EPB41L5: variants seen among roughly 807,000 people sequenced by gnomAD.
EPB41L5 encodes the protein erythrocyte membrane protein band 4.1 like 5.
A neutral mutation model predicts 106.6 loss-of-function variants in EPB41L5; 55 were observed. The ratio of observed to expected loss-of-function variants is 0.52; its 90% CI spans 0.42 to 0.65. The LOEUF is 0.65. Among genes scored for constraint, EPB41L5 ranks in the 30% least tolerant of loss-of-function variants. The pLI is 0.00. For missense variants in EPB41L5, 871 were observed against 882.1 expected (o/e 0.99, Z 0.16); for synonymous variants, 297 against 306.7 (o/e 0.97, Z 0.33).
chr2:120,146,173 A>G, intron 19 of EPB41L5, 52 bp from the exon 20 acceptor site: 1 of 1,096,198 alleles, frequency 9.1e-7, no homozygotes, highest in Non-Finnish European at 1.4e-6. Flanking sequence ...ATTTCTTGTT[A>G]CTTTAGTATC....
rs144645549 is a variant in EPB41L5 at position 120,086,084 on chromosome 2, C to T, written c.804-1087C>T. Among the ~76,000 whole-genome samples, 84 of 152,222 alleles carry T rather than the reference C, an allele frequency of 5.5e-4. No homozygotes were observed. The East Asian group carries it at 0.014, about 26-fold the overall frequency. ...AGCATGGTGGCACGCACCTGTAATCCCAGCTACTCTGGAGGCTGAGGCAGG... is the reference window on the plus strand; with the variant it reads ...AGCATGGTGGCACGCACCTGTAATCTCAGCTACTCTGGAGGCTGAGGCAGG... On this transcript the variant is annotated intron_variant, in intron 10 of 24. Coordinates refer to ENST00000263713, the MANE Select transcript of EPB41L5 (RefSeq NM_020909.4).
chr2:120,047,335 G>A (rs1456131459), intron 3 of EPB41L5, among the ~76,000 whole-genome samples: 2 of 152,000 alleles, frequency 1.3e-5, no homozygotes, highest in East Asian at 1.9e-4. Flanking sequence ...CTTTTATTTT[G>A]TTGAGCAGTG....
At chr2:120,072,236 A>C (rs1182042361) in intron 3 of EPB41L5, among the ~76,000 whole-genome samples, 1 of 152,218 alleles carries the variant, frequency 6.6e-6, no homozygotes, top group South Asian at 2.1e-4. Context: ...ACAATGAGAT[A>C]CCATCTCACA....
At chr2:120,156,757 G>T (rs1465720034) in intron 20 of EPB41L5, among the ~76,000 whole-genome samples, 1 of 152,146 alleles carries the variant, frequency 6.6e-6, no homozygotes, top group Non-Finnish European at 1.5e-5. Flanking sequence ...AAATATATAT[G>T]CACCCAATAC....
chr2:120,167,653 T>A, intron 23 of EPB41L5, 146 bp downstream of exon 23: 1 of 1,021,688 alleles, frequency 9.8e-7, no homozygotes, highest in Non-Finnish European at 1.5e-6. Context: ...GGCTTCAAGC[T>A]AGTGGCTTAC....
At chr2:120,145,687 G>A (rs922488545) in intron 19 of EPB41L5, among the ~76,000 whole-genome samples, 1 of 152,168 alleles carries the variant, frequency 6.6e-6, no homozygotes, top group Non-Finnish European at 1.5e-5. Flanking sequence ...CCTCATGCCT[G>A]TAATCCCACC....
intron 16 of EPB41L5, among the ~76,000 whole-genome samples, chr2:120,123,236 C>G (rs1307183339): frequency 6.6e-6 from 1 of 152,088 alleles, no homozygotes; most frequent in Non-Finnish European, 1.5e-5. Context: ...ACCTGGTCCC[C>G]TGGTTTCAAG....
intron 16 of EPB41L5, among the ~76,000 whole-genome samples, chr2:120,112,054 T>C (rs138177747): frequency 6.6e-6 from 1 of 152,302 alleles, no homozygotes; most frequent in African/African-American, 2.4e-5. Context: ...CTGACCACTC[T>C]GAAATAATCA....
At chr2:120,104,699 T>C in intron 16 of EPB41L5, 3 of 972,116 alleles carry the variant, frequency 3.1e-6, no homozygotes, top group African/African-American at 3.5e-5. Flanking sequence ...CTTGTTCTTA[T>C]ACACTATTTT....
intron 24 of EPB41L5, among the ~76,000 whole-genome samples, chr2:120,174,579 T>A (rs1558923047): frequency 6.6e-6 from 1 of 152,160 alleles, no homozygotes. Flanking sequence ...TAAGAAATGG[T>A]TAAGTGTGTG....
chr2:120,160,694 T>C (rs543652008), intron 20 of EPB41L5, 187 bp from the exon 21 acceptor site: 1 of 553,576 alleles, frequency 1.8e-6, no homozygotes, highest in South Asian at 2.4e-5. Context: ...TAAAAAACCA[T>C]TTTAACTGGA....
At chr2:120,172,574 T>C (rs1687723886) in intron 24 of EPB41L5, among the ~76,000 whole-genome samples, 1 of 152,180 alleles carries the variant, frequency 6.6e-6, no homozygotes, top group Non-Finnish European at 1.5e-5. Context: ...TAGAATACAT[T>C]TTTAGACATA....
Position 120,075,706 on chromosome 2 carries a change from A to G in EPB41L5, c.458A>G (p.Asp153Gly), listed in dbSNP as rs764476061. Residue 153 changes from aspartate to glycine, a missense_variant, in exon 7 of 25, where the codon GAC becomes GGC. Physicochemically the swap from Asp to Gly is moderately conservative, Grantham distance 94. Transcript: ENST00000263713. ...LKQDILSGKLDCPFDTAVQLA... is the reference protein window; with the variant it reads ...LKQDILSGKLGCPFDTAVQLA... ...AACTTGTGTTTTGGTCTCAGATTAG[A>G]CTGTCCCTTTGATACAGCAGTGCAA... 3.7e-5 allele frequency: 59 copies of G among 1,613,416 alleles called. No individual in the cohort carries two copies. In the South Asian group the frequency reaches 6.2e-4, roughly 17 times the overall value.
Position 120,018,154 on chromosome 2 carries a change from A to T in EPB41L5, c.-8-923A>T, listed in dbSNP as rs186770932. ...TTTTTTTTGTATTTTTTTTTAGTAG[A>T]GACGGGGTTTCACCATGTTAGCCAG... On this transcript the variant is annotated intron_variant, in intron 1 of 24. Coordinates refer to ENST00000263713, the MANE Select transcript of EPB41L5 (RefSeq NM_020909.4). Among the ~76,000 whole-genome samples the T allele has an allele frequency of 7.7e-3, 1,172 of 151,482 alleles. 13 individuals carry two copies. The highest frequency in any genetic ancestry group is 0.026 in the African/African-American group (1,078 of 41,276).
intron 2 of EPB41L5, among the ~76,000 whole-genome samples, chr2:120,040,889 CTA>C (rs1432685651): frequency 6.6e-6 from 1 of 152,020 alleles, no homozygotes; most frequent in African/African-American, 2.4e-5. Flanking sequence ...GATAAACCAA[CTA>C]TATGTTCATT....
intron 19 of EPB41L5, among the ~76,000 whole-genome samples, chr2:120,145,633 G>A (rs1354438217): frequency 1.3e-5 from 2 of 152,008 alleles, no homozygotes; most frequent in Non-Finnish European, 2.9e-5. Flanking sequence ...TTATTAAACT[G>A]TACTTTAAAA....
intron 16 of EPB41L5, chr2:120,106,296 T>A (rs1187688819): frequency 1.4e-5 from 14 of 985,244 alleles, no homozygotes; most frequent in Non-Finnish European, 1.7e-5. Flanking sequence ...GTAGTAAAAT[T>A]AAACTTGTCT....
At chr2:120,130,515 CA>C (rs1685645192) in intron 17 of EPB41L5, among the ~76,000 whole-genome samples, 1 of 152,064 alleles carries the variant, frequency 6.6e-6, no homozygotes, top group South Asian at 2.1e-4. Flanking sequence ...AAAGGTTTAA[CA>C]ACAACAAAAA....
chr2:120,128,337 CTA>C (rs1685553200), intron 17 of EPB41L5, among the ~76,000 whole-genome samples: 1 of 151,390 alleles, frequency 6.6e-6, no homozygotes, highest in African/African-American at 2.4e-5. Flanking sequence ...TTGAAAATGT[CTA>C]TGTATTTGTG....
Sources: gnomAD v4.1 joint callset for allele counts (sites outside exome capture counted in the v4.1 genomes callset) on GRCh38, gnomAD v4.1.1 for gene constraint, MANE v1.5 for transcripts, NCBI Gene and HGNC (gene_info 2026-07-23, HGNC 2026-07-21) for gene names.